HS3ST3A1: variants seen among roughly 807,000 people sequenced by gnomAD.
HS3ST3A1 encodes heparan sulfate-glucosamine 3-sulfotransferase 3A1.
In HS3ST3A1, 19 loss-of-function variants were observed where a neutral mutation model predicts 25.7. The ratio of observed to expected loss-of-function variants is 0.74; its 90% CI spans 0.52 to 1.08. The LOEUF is 1.08. Among genes scored for constraint, HS3ST3A1 ranks in the 50% least tolerant of loss-of-function variants. The pLI is 0.00. For missense variants in HS3ST3A1, 459 were observed against 594.3 expected, an observed-to-expected ratio of 0.77 and a Z score of 2.37; for synonymous variants, 226 against 278.6, an observed-to-expected ratio of 0.81 and a Z score of 1.88.
intron 1 of HS3ST3A1, among the ~76,000 whole-genome samples, chr17:13,589,870 T>G (rs1365099069): frequency 2.6e-5 from 4 of 152,194 alleles, no homozygotes; most frequent in Non-Finnish European, 4.4e-5. Flanking sequence ...CCAGTTCCCT[T>G]TTGTTAAATA....
chr17:13,572,187 T>G (rs1907834372), intron 1 of HS3ST3A1, among the ~76,000 whole-genome samples: 1 of 152,224 alleles, frequency 6.6e-6, no homozygotes. Context: ...TTTACGTCTA[T>G]GAAATGTTTA....
intron 1 of HS3ST3A1, among the ~76,000 whole-genome samples, chr17:13,588,392 T>C (rs1040545224): frequency 3.3e-5 from 5 of 152,302 alleles, no homozygotes; most frequent in East Asian, 1.9e-4. Context: ...GTTAAAAGAA[T>C]TGAAGTTTAG....
chr17:13,550,278 T>A (rs1267854901), intron 1 of HS3ST3A1, among the ~76,000 whole-genome samples: 1 of 152,236 alleles, frequency 6.6e-6, no homozygotes, highest in African/African-American at 2.4e-5. Context: ...TCACCCAGCC[T>A]ATTCCCTCTT....
rs574400702 is a variant in HS3ST3A1, at chr17:13,562,443, C to G, written c.599+38088G>C. On this transcript the variant is annotated intron_variant, in intron 1 of 1. Coordinates refer to ENST00000284110, the MANE Select transcript of HS3ST3A1 (RefSeq NM_006042.3). ...ACAGCGGGTGGGGGGGAAAGTAACC[C>G]TATCCAATTCCTGACATTGCAGCCC... Among the ~76,000 whole-genome samples, 9 of 152,278 alleles carry G rather than the reference C, an allele frequency of 5.9e-5. No homozygotes were observed. In the East Asian group the frequency reaches 1.7e-3, roughly 29 times the overall value.
intron 1 of HS3ST3A1, among the ~76,000 whole-genome samples, chr17:13,541,425 A>T (rs1457456696): frequency 1.3e-5 from 2 of 152,174 alleles, no homozygotes; most frequent in African/African-American, 2.4e-5. Flanking sequence ...TTCTAACCTC[A>T]TCCTGGGTAA....
chr17:13,580,108 T>A (rs1377205213), intron 1 of HS3ST3A1, among the ~76,000 whole-genome samples: 1 of 152,168 alleles, frequency 6.6e-6, no homozygotes, highest in African/African-American at 2.4e-5. Context: ...ATATACAGTC[T>A]GTTGTGCTAT....
chr17:13,562,328 G>A (rs887549263), intron 1 of HS3ST3A1, among the ~76,000 whole-genome samples: 1 of 152,100 alleles, frequency 6.6e-6, no homozygotes, highest in Non-Finnish European at 1.5e-5. Flanking sequence ...AGGGACAGAC[G>A]TGTGTGCCGT....
chr17:13,598,174 C>A (rs1908632902), intron 1 of HS3ST3A1, among the ~76,000 whole-genome samples: 1 of 152,126 alleles, frequency 6.6e-6, no homozygotes, highest in Admixed American at 6.5e-5. Flanking sequence ...CTGACTCATG[C>A]AGGTCTAACT....
chr17:13,515,437 G>A (rs1906018410), intron 1 of HS3ST3A1, among the ~76,000 whole-genome samples: 1 of 150,880 alleles, frequency 6.6e-6, no homozygotes. Context: ...TGGGATTACA[G>A]GCATGAGCCA....
intron 1 of HS3ST3A1, among the ~76,000 whole-genome samples, chr17:13,549,487 T>C (rs1185137273): frequency 2.6e-5 from 4 of 152,172 alleles, no homozygotes; most frequent in Non-Finnish European, 5.9e-5. Flanking sequence ...GCCTCTGAGC[T>C]CTCTTCCTTC....
At chr17:13,513,724 A>C (rs149448220) in intron 1 of HS3ST3A1, among the ~76,000 whole-genome samples, 1 of 152,282 alleles carries the variant, frequency 6.6e-6, no homozygotes, top group Non-Finnish European at 1.5e-5. Flanking sequence ...AAATGCCATA[A>C]AGTGTTTAGT....
At chr17:13,535,343 C>T (rs1263700247) in intron 1 of HS3ST3A1, among the ~76,000 whole-genome samples, 1 of 152,254 alleles carries the variant, frequency 6.6e-6, no homozygotes, top group African/African-American at 2.4e-5. Context: ...CAATTTGGCA[C>T]TACACTTAGG....
intron 1 of HS3ST3A1, among the ~76,000 whole-genome samples, chr17:13,593,233 C>CAAAAA (rs5819419): frequency 9.7e-6 from 1 of 103,186 alleles, no homozygotes; most frequent in Non-Finnish European, 1.9e-5. Flanking sequence ...TGTTTGTAGC[C>CAAAAA]AAAAAAAAAA....
At chr17:13,536,553 A>G (rs1405325416) in intron 1 of HS3ST3A1, among the ~76,000 whole-genome samples, 2 of 152,218 alleles carry the variant, frequency 1.3e-5, no homozygotes, top group East Asian at 1.9e-4. Context: ...TTCAAATTCC[A>G]TAATACAGAG....
At chr17:13,526,075 C>G (rs752607728) in intron 1 of HS3ST3A1, among the ~76,000 whole-genome samples, 2 of 151,870 alleles carry the variant, frequency 1.3e-5, no homozygotes, top group African/African-American at 4.8e-5. Context: ...AGGCCTGAAT[C>G]CTGCTTGTTC....
intron 1 of HS3ST3A1, among the ~76,000 whole-genome samples, chr17:13,525,179 T>C (rs1906371399): frequency 6.6e-6 from 1 of 152,178 alleles, no homozygotes; most frequent in Non-Finnish European, 1.5e-5. Context: ...CTGTTACAAA[T>C]AAGAAATAAT....
chr17:13,552,064 T>A (rs1907260134), intron 1 of HS3ST3A1, among the ~76,000 whole-genome samples: 1 of 147,452 alleles, frequency 6.8e-6, no homozygotes, highest in Non-Finnish European at 1.5e-5. Flanking sequence ...TGTATTTGGT[T>A]CTTGAACACT....
chr17:13,586,678 TA>T (rs1226353456), intron 1 of HS3ST3A1, among the ~76,000 whole-genome samples: 1 of 150,852 alleles, frequency 6.6e-6, no homozygotes, highest in Non-Finnish European at 1.5e-5. Context: ...CCATCCTGGC[TA>T]ACACGGTGAA....
At chr17:13,506,103 AG>A (rs1164751230) in intron 1 of HS3ST3A1, among the ~76,000 whole-genome samples, 2 of 133,122 alleles carry the variant, frequency 1.5e-5, no homozygotes, top group Non-Finnish European at 3.2e-5. Context: ...TTTTAAAGTT[AG>A]GGTTTCTGCA....
Sources: gnomAD v4.1 joint callset for allele counts (sites outside exome capture counted in the v4.1 genomes callset) on GRCh38, gnomAD v4.1.1 for gene constraint, MANE v1.5 for transcripts, NCBI Gene and HGNC (gene_info 2026-07-23, HGNC 2026-07-21) for gene names.